The following AKR1C8 variants were observed in gnomAD, a reference collection of about 807,000 sequenced individuals.
The protein encoded by AKR1C8 is aldo-keto reductase family 1 member C8, also known as aldo-keto reductase family 1 member C-like protein 1.
At chr10:5,175,732 G>A in the AKR1C8 span, among the ~76,000 whole-genome samples, 7 of 152,264 alleles carry the variant, frequency 4.6e-5, no homozygotes, top group East Asian at 1.9e-4. Flanking sequence ...GCCAGTGATG[G>A]TGAGCATTTT....
chr10:5,176,034 A>G, the AKR1C8 span, among the ~76,000 whole-genome samples: 2 of 151,768 alleles, frequency 1.3e-5, no homozygotes, highest in East Asian at 1.9e-4. Flanking sequence ...TTGGTGTTTT[A>G]GACATGAAGT....
the AKR1C8 span, chr10:5,154,239 T>C: frequency 2.1e-6 from 1 of 467,642 alleles, no homozygotes; most frequent in Admixed American, 2.4e-5. Context: ...AAAGAGTTTT[T>C]CTGAAGAAGC....
At chr10:5,147,000 T>C in the AKR1C8 span, among the ~76,000 whole-genome samples, 2 of 152,142 alleles carry the variant, frequency 1.3e-5, no homozygotes, top group Non-Finnish European at 2.9e-5. Flanking sequence ...TATAAAGAAG[T>C]CTCTTTGGCT....
At chr10:5,154,751 C>T in the AKR1C8 span, 7 of 152,352 alleles carry the variant, frequency 4.6e-5, no homozygotes, top group African/African-American at 1.4e-4. Flanking sequence ...AATTGTATTT[C>T]CCCTGCTTCT....
the AKR1C8 span, among the ~76,000 whole-genome samples, chr10:5,136,187 T>A: frequency 6.6e-6 from 1 of 152,184 alleles, no homozygotes; most frequent in East Asian, 1.9e-4. Context: ...CTAATTACAA[T>A]AAATTGGTGA....
chr10:5,180,359 C>T, the AKR1C8 span, among the ~76,000 whole-genome samples: 1 of 152,302 alleles, frequency 6.6e-6, no homozygotes, highest in Non-Finnish European at 1.5e-5. Flanking sequence ...GAGTACCTGG[C>T]TGTGTGCGGT....
chr10:5,165,675 T>C, the AKR1C8 span, among the ~76,000 whole-genome samples: 2 of 151,986 alleles, frequency 1.3e-5, no homozygotes, highest in East Asian at 3.9e-4. Context: ...CAAAAAAGAG[T>C]ACTTTATGTT....
At chr10:5,138,338 G>T in the AKR1C8 span, among the ~76,000 whole-genome samples, 3 of 152,078 alleles carry the variant, frequency 2.0e-5, no homozygotes, top group Non-Finnish European at 2.9e-5. Context: ...GCTAGGAAAA[G>T]AATTTAGTGA....
At chr10:5,175,304 CTCA>C in the AKR1C8 span, among the ~76,000 whole-genome samples, 1 of 152,132 alleles carries the variant, frequency 6.6e-6, no homozygotes, top group Middle Eastern at 3.4e-3. Context: ...AGGACATGAA[CTCA>C]TCATTTTTTA....
chr10:5,147,077 G>T, the AKR1C8 span, among the ~76,000 whole-genome samples: 2 of 152,306 alleles, frequency 1.3e-5, no homozygotes, highest in East Asian at 1.9e-4. Context: ...GAGGGCCCCA[G>T]GCTGCTTCCA....
the AKR1C8 span, among the ~76,000 whole-genome samples, chr10:5,127,837 CTA>C: frequency 1.3e-5 from 2 of 151,098 alleles, no homozygotes; most frequent in East Asian, 3.9e-4. Flanking sequence ...GAAGAGAAGT[CTA>C]AAAGTTTGGA....
At chr10:5,169,589 GT>G in the AKR1C8 span, among the ~76,000 whole-genome samples, 480 of 145,896 alleles carry the variant, frequency 3.3e-3, 2 homozygotes, top group African/African-American at 8.8e-3. Context: ...AAAGATCCAT[GT>G]TTTTTTTTTT....
At chr10:5,169,959 T>C in the AKR1C8 span, among the ~76,000 whole-genome samples, 9 of 152,220 alleles carry the variant, frequency 5.9e-5, no homozygotes, top group African/African-American at 1.9e-4. Flanking sequence ...CTGTCAGGGG[T>C]TGCTTCCTTA....
chr10:5,153,957 G>A, the AKR1C8 span, among the ~76,000 whole-genome samples: 2 of 152,004 alleles, frequency 1.3e-5, no homozygotes, highest in East Asian at 1.9e-4. Context: ...AAATTTATGG[G>A]TATTACTTTA....
At chr10:5,170,467 T>C in the AKR1C8 span, among the ~76,000 whole-genome samples, 1 of 152,092 alleles carries the variant, frequency 6.6e-6, no homozygotes, top group Admixed American at 6.6e-5. Context: ...CCTTTTAAAT[T>C]AGCTTTGATG....
At chr10:5,157,001 A>G in the AKR1C8 span, among the ~76,000 whole-genome samples, 1 of 152,202 alleles carries the variant, frequency 6.6e-6, no homozygotes, top group East Asian at 1.9e-4. Flanking sequence ...TTTACAAGAT[A>G]ACTTCACTCC....
At chr10:5,159,276 A>T in the AKR1C8 span, among the ~76,000 whole-genome samples, 1 of 152,228 alleles carries the variant, frequency 6.6e-6, no homozygotes, top group South Asian at 2.1e-4. Context: ...CTAAGCTTCA[A>T]TTTACAGGAA....
chr10:5,177,149 C>G, the AKR1C8 span, among the ~76,000 whole-genome samples: 1 of 152,096 alleles, frequency 6.6e-6, no homozygotes, highest in South Asian at 2.1e-4. Flanking sequence ...TGAGATGCAT[C>G]CCATCAATAC....
At chr10:5,167,612 C>G in the AKR1C8 span, among the ~76,000 whole-genome samples, 2 of 152,080 alleles carry the variant, frequency 1.3e-5, no homozygotes, top group African/African-American at 4.8e-5. Context: ...GGAAGGGGAA[C>G]AACACACACT....
Sources: allele counts gnomAD v4.1 joint callset (sites outside exome capture counted in the v4.1 genomes callset), GRCh38; gene constraint gnomAD v4.1.1; transcripts MANE v1.5; gene names NCBI Gene and HGNC (gene_info 2026-07-23, HGNC 2026-07-21).